UTP11: variants seen among roughly 807,000 people sequenced by gnomAD.
UTP11 encodes probable U3 small nucleolar RNA-associated protein 11.
A neutral mutation model predicts 39.0 loss-of-function variants in UTP11; 29 were observed. That is an observed-to-expected ratio of 0.74 (90% confidence interval 0.55 to 1.01). The LOEUF is 1.01. Among genes scored for constraint, UTP11 ranks in the 50% least tolerant of loss-of-function variants. The probability of loss-of-function intolerance (pLI) is 0.00; values close to 1 mark genes in which losing one functional copy is unlikely to be tolerated. For synonymous variants in UTP11, 111 were observed against 105.0 expected (o/e 1.06, Z -0.35); for missense variants, 281 against 306.0 (o/e 0.92, Z 0.61).
chr1:38,019,341 G>A lies in UTP11; in HGVS notation c.525G>A (p.Gln175=), dbSNP rs754231382. Residue 175 remains glutamine, a synonymous_variant, in exon 6 of 8, where the codon CAG becomes CAA. Transcript: ENST00000373014. ...VFNRPRIETL[Q]KEKVKGVTNQ... ...ATAGGCCCAGGATAGAGACCTTGCAGAAAGAAAAAGTGAAAGGAGTTACCA... is the reference window on the plus strand; with the variant it reads ...ATAGGCCCAGGATAGAGACCTTGCAAAAAGAAAAAGTGAAAGGAGTTACCA... 6.2e-7 allele frequency: 1 copy of A among 1,612,604 alleles called. No individual in the cohort carries two copies. The highest frequency in any genetic ancestry group is 1.7e-5 in the Admixed American group (1 of 59,878).
rs912915490 is a variant in UTP11, at chr1:38,024,122, G to A, written c.*494G>A. 3 of 152,440 alleles carry A rather than the reference G, an allele frequency of 2.0e-5. No individual in the cohort carries two copies. Among genetic ancestry groups the A allele is most frequent in the Admixed American group, 6.5e-5 (1 of 15,282 alleles). The allele number at this position is 152,440 out of a possible 1,614,324, so 9.4% of individuals were successfully genotyped here. On this transcript the variant is annotated 3_prime_UTR_variant, in exon 8 of 8. Transcript: ENST00000373014. Reference sequence around the variant, plus strand: ...CAAAGGGCTGGGATTACAGGGATGAGCCACTATGCCCAGCCCATAATTTTT... The same window carrying A: ...CAAAGGGCTGGGATTACAGGGATGAACCACTATGCCCAGCCCATAATTTTT...
rs74067363 is a variant in UTP11, at chr1:38,016,043, G to A, written c.64-316G>A. On this transcript the variant is annotated intron_variant, in intron 1 of 7. Coordinates refer to ENST00000373014, the MANE Select transcript of UTP11 (RefSeq NM_016037.4). Reference sequence around the variant, plus strand: ...CTTTGTAGTATTTTATAAACCCTTGGATTAAGTTGGTAGTAATTTTAGTAC... The same window carrying A: ...CTTTGTAGTATTTTATAAACCCTTGAATTAAGTTGGTAGTAATTTTAGTAC... Among the ~76,000 whole-genome samples the A allele has an allele frequency of 1.9e-3, 288 of 152,310 alleles. 2 individuals are homozygous for A. The highest frequency in any genetic ancestry group is 6.6e-3 in the African/African-American group (273 of 41,552).
chr1:38,015,440 G>A (rs1273434991), intron 1 of UTP11, among the ~76,000 whole-genome samples: 1 of 152,152 alleles, frequency 6.6e-6, no homozygotes, highest in Non-Finnish European at 1.5e-5. Context: ...TCTAGTTTTG[G>A]CTCTGCTACT....
chr1:38,018,443 T>C (rs762821589), intron 3 of UTP11, 21 bp from the exon 4 acceptor site: 8 of 1,534,510 alleles, frequency 5.2e-6, no homozygotes, highest in Non-Finnish European at 4.5e-6. Flanking sequence ...AGGGAATATA[T>C]CTTTTAAATT....
intron 6 of UTP11, among the ~76,000 whole-genome samples, chr1:38,020,854 TA>T (rs1646732322): frequency 6.6e-6 from 1 of 152,294 alleles, no homozygotes; most frequent in African/African-American, 2.4e-5. Context: ...CTTCTGTAGA[TA>T]ACACTTCCAG....
intron 1 of UTP11, among the ~76,000 whole-genome samples, chr1:38,015,058 T>C (rs1646700788): frequency 6.6e-6 from 1 of 152,236 alleles, no homozygotes; most frequent in South Asian, 2.1e-4. Flanking sequence ...AGTCTCGCCC[T>C]GTTGCCCAGG....
At chr1:38,021,722 G>C (rs1384186568) in intron 6 of UTP11, among the ~76,000 whole-genome samples, 2 of 151,988 alleles carry the variant, frequency 1.3e-5, no homozygotes, top group Admixed American at 1.3e-4. Flanking sequence ...GTGAAACCCT[G>C]TCTCTACTAA....
At chr1:38,022,436 G>C (rs1414532642) in intron 6 of UTP11, among the ~76,000 whole-genome samples, 1 of 151,906 alleles carries the variant, frequency 6.6e-6, no homozygotes, top group Non-Finnish European at 1.5e-5. Context: ...GGAACTCCTG[G>C]GCTCAAGTGA....
rs1298004927 is a variant in UTP11 at position 38,023,958 on chromosome 1, C to T, written c.*330C>T. 5.8e-6 allele frequency: 1 copy of T among 173,074 alleles called. No individual in the cohort carries two copies. Among genetic ancestry groups the T allele is most frequent in the Non-Finnish European group, 1.2e-5 (1 of 82,176 alleles). The allele number at this position is 173,074 out of a possible 1,614,324, so 10.7% of individuals were successfully genotyped here. A position where few individuals can be genotyped will look rare whatever the true frequency, so the allele number is the denominator to read the frequency against. ...GCTCAAGTGATCTTCCTGCATCAGC[C>T]TCTTGAGTAGCTGGGACCACAGACA... is the stretch of plus-strand genomic sequence containing the variant. On this transcript the variant is annotated 3_prime_UTR_variant, in exon 8 of 8. Transcript: ENST00000373014.
chr1:38,023,655 T>G lies in UTP11; in HGVS notation c.*27T>G, dbSNP rs1247812648. On this transcript the variant is annotated 3_prime_UTR_variant, in exon 8 of 8. Coordinates refer to ENST00000373014, the MANE Select transcript of UTP11 (RefSeq NM_016037.4). ...GTGTTATAGATAAGCCTTGTCATTC[T>G]GTATCAAAAATCTGTTGTCGTTTTC... is the stretch of plus-strand genomic sequence containing the variant. The G allele has an allele frequency of 1.3e-6, 2 of 1,581,164 alleles. No homozygotes were observed. Among genetic ancestry groups the G allele is most frequent in the Admixed American group, 3.7e-5 (2 of 53,752 alleles).
chr1:38,019,449 T>A, intron 6 of UTP11, 66 bp downstream of exon 6: 1 of 1,363,856 alleles, frequency 7.3e-7, no homozygotes, highest in Admixed American at 2.7e-5. Context: ...TTTTGTTTTT[T>A]TTTTTTTGCT....
At chr1:38,014,633 G>A (rs999013623) in intron 1 of UTP11, among the ~76,000 whole-genome samples, 18 of 152,022 alleles carry the variant, frequency 1.2e-4, no homozygotes, top group Non-Finnish European at 4.4e-5. Flanking sequence ...GGGGAGGTTT[G>A]GTATTATTTT....
chr1:38,023,735 T>A lies in UTP11; in HGVS notation c.*107T>A. 1.1e-6 allele frequency: 1 copy of A among 876,470 alleles called. No individual in the cohort carries two copies. Among genetic ancestry groups the A allele is most frequent in the Non-Finnish European group, 1.7e-6 (1 of 589,038 alleles). The allele number at this position is 876,470 out of a possible 1,614,324, so 54.3% of individuals were successfully genotyped here. A position where few individuals can be genotyped will look rare whatever the true frequency, so the allele number is the denominator to read the frequency against. ...GGCATGGTTTTCCGGTTTGTAACCA[T>A]AACTAAATTGTCAGTCTGACATTTA... On this transcript the variant is annotated 3_prime_UTR_variant, in exon 8 of 8. Transcript: ENST00000373014.
chr1:38,019,011 T>C, intron 4 of UTP11, 48 bp from the exon 5 acceptor site: 1 of 1,353,298 alleles, frequency 7.4e-7, no homozygotes, highest in Non-Finnish European at 1.0e-6. Context: ...TTTTTTTTGG[T>C]ACCCTAGAAG....
At chr1:38,020,633 A>G (rs967099393) in intron 6 of UTP11, among the ~76,000 whole-genome samples, 3 of 152,172 alleles carry the variant, frequency 2.0e-5, no homozygotes, top group Non-Finnish European at 2.9e-5. Context: ...TTTGCTTCCA[A>G]TGTTTAATTT....
At chr1:38,021,894 G>GAAA (rs535193600) in intron 6 of UTP11, among the ~76,000 whole-genome samples, 1 of 129,602 alleles carries the variant, frequency 7.7e-6, no homozygotes. Flanking sequence ...CTCCGCCTCA[G>GAAA]AAAAAAAAAA....
chr1:38,023,215 A>G (rs1646748335), intron 7 of UTP11, among the ~76,000 whole-genome samples: 1 of 152,260 alleles, frequency 6.6e-6, no homozygotes, highest in Non-Finnish European at 1.5e-5. Flanking sequence ...TCATTCCTCT[A>G]AATGTCAAAT....
In UTP11 at chr1:38,023,619, A is replaced by G. The variant is rs1276551311; in HGVS notation, c.753A>G (p.Arg251=). Residue 251 remains arginine (R), a synonymous_variant, in exon 8 of 8, where the codon CGA becomes CGG. Transcript: ENST00000373014. The part of the protein sequence containing the change: ...SPAIYKFQSR[R]KR ...CTATTTATAAATTTCAGAGTCGTCG[A>G]AAACGTTGACGTGTTATAGATAAGC... 6.2e-7 allele frequency: 1 copy of G among 1,610,076 alleles called. No individual in the cohort carries two copies. The highest frequency in any genetic ancestry group is 1.7e-5 in the Admixed American group (1 of 59,222).
chr1:38,012,866 G>A lies in UTP11; in HGVS notation c.63+1G>A. 2 of 1,614,214 alleles carry A rather than the reference G, an allele frequency of 1.2e-6. No homozygotes were observed. The highest frequency in any genetic ancestry group is 1.1e-5 in the South Asian group (1 of 91,088). On this transcript the variant is annotated splice_donor_variant, in intron 1 of 7. Transcript: ENST00000373014. LOFTEE classifies it high-confidence loss of function. ...GCGGGAACACAGAGAGCGAAGCCAG[G>A]TAGGACCATACAGGCCCCACAAGTG...
Sources: gnomAD v4.1 joint callset for allele counts (sites outside exome capture counted in the v4.1 genomes callset) on GRCh38, gnomAD v4.1.1 for gene constraint, MANE v1.5 for transcripts, NCBI Gene and HGNC (gene_info 2026-07-23, HGNC 2026-07-21) for gene names.